The following SNX30 variants were observed in gnomAD, a reference collection of about 807,000 sequenced individuals.
SNX30 encodes sorting nexin-30.
Under a neutral mutation model 46.4 loss-of-function variants are expected in SNX30, and 24 were observed. That is an observed-to-expected ratio of 0.52 (90% confidence interval 0.37 to 0.73). The LOEUF (loss-of-function observed/expected upper bound fraction) is 0.73, where lower values mean the gene tolerates loss of function less well. SNX30 is among the 30% of genes least tolerant of loss of function. The probability of loss-of-function intolerance (pLI) is 0.00; values close to 1 mark genes in which losing one functional copy is unlikely to be tolerated. For synonymous variants in SNX30, 189 were observed against 211.5 expected (o/e 0.89, Z 0.92); for missense variants, 533 against 555.7 (o/e 0.96, Z 0.41).
chr9:112,775,909 C>T (rs2131370173), intron 1 of SNX30, among the ~76,000 whole-genome samples: 1 of 151,812 alleles, frequency 6.6e-6, no homozygotes, highest in South Asian at 2.1e-4. Context: ...CACTAGTTGC[C>T]TCAACACTCT....
intron 1 of SNX30, among the ~76,000 whole-genome samples, chr9:112,751,600 C>G (rs113463090): frequency 6.6e-6 from 1 of 152,304 alleles, no homozygotes; most frequent in African/African-American, 2.4e-5. Context: ...CAGCCCTGGG[C>G]TTACAGCGAG....
chr9:112,837,192 C>T (rs987119686), intron 5 of SNX30, among the ~76,000 whole-genome samples: 11 of 151,924 alleles, frequency 7.2e-5, no homozygotes, highest in Non-Finnish European at 8.8e-5. Flanking sequence ...ATTTTCTTTA[C>T]GGGGGAAAAA....
intron 3 of SNX30, among the ~76,000 whole-genome samples, chr9:112,829,646 ATTTAAC>A (rs1241757015): frequency 6.6e-6 from 1 of 152,180 alleles, no homozygotes; most frequent in African/African-American, 2.4e-5. Context: ...GTAATTCTAA[ATTTAAC>A]TTATTGAGGA....
At chr9:112,780,214 T>C (rs1482375715) in intron 1 of SNX30, among the ~76,000 whole-genome samples, 18 of 152,156 alleles carry the variant, frequency 1.2e-4, no homozygotes, top group Non-Finnish European at 1.9e-4. Context: ...CATGTATGTA[T>C]ATGAGCAGGC....
At chr9:112,782,505 A>G (rs1396276896) in intron 1 of SNX30, among the ~76,000 whole-genome samples, 1 of 152,104 alleles carries the variant, frequency 6.6e-6, no homozygotes, top group Non-Finnish European at 1.5e-5. Flanking sequence ...AAGTTTGCTG[A>G]CCCCTGGTAT....
Position 112,832,153 on chromosome 9 carries a change from A to G in SNX30, c.618+1270A>G, listed in dbSNP as rs573507860. ...CTTATTGATGACATTCCAGTTCAGCATCTCTTTTTCCCAGAGGCTTTCCCC... is the reference window on the plus strand; with the variant it reads ...CTTATTGATGACATTCCAGTTCAGCGTCTCTTTTTCCCAGAGGCTTTCCCC... On this transcript the variant is annotated intron_variant, in intron 4 of 8. Coordinates refer to ENST00000374232, the MANE Select transcript of SNX30 (RefSeq NM_001012994.2). 3.9e-5 allele frequency among the ~76,000 whole-genome samples: 6 copies of G among 152,066 alleles called. No homozygotes were observed. In the East Asian group the frequency reaches 1.2e-3, roughly 29 times the overall value.
At chr9:112,758,671 C>A (rs1253758036) in intron 1 of SNX30, among the ~76,000 whole-genome samples, 5 of 152,174 alleles carry the variant, frequency 3.3e-5, no homozygotes, top group African/African-American at 1.2e-4. Flanking sequence ...GCTGAGGTTA[C>A]AGTTGTGAGC....
intron 1 of SNX30, among the ~76,000 whole-genome samples, chr9:112,776,316 A>G (rs1407148844): frequency 6.6e-6 from 1 of 152,104 alleles, no homozygotes; most frequent in African/African-American, 2.4e-5. Context: ...TTGATGTTCT[A>G]TATGATGCAT....
At chr9:112,814,787 T>C (rs10081751) in intron 2 of SNX30, among the ~76,000 whole-genome samples, 33,770 of 152,204 alleles carry the variant, frequency 0.22, 4,718 homozygotes, top group East Asian at 0.4. Flanking sequence ...ATGTACACTT[T>C]TGTCCAGCAA....
chr9:112,867,557 A>C (rs764687865), intron 8 of SNX30, among the ~76,000 whole-genome samples: 1 of 141,802 alleles, frequency 7.1e-6, no homozygotes, highest in Non-Finnish European at 1.5e-5. Flanking sequence ...CTTCCTCCTC[A>C]GAACTCCTTT....
At chr9:112,877,613 A>G (rs1471303836), downstream of SNX30, 2 of 152,148 alleles carry the variant, frequency 1.3e-5, no homozygotes, top group Non-Finnish European at 2.9e-5. Flanking sequence ...TCTACCATCC[A>G]TCCATTAACC....
At chr9:112,826,714 C>T (rs957963312) in intron 3 of SNX30, among the ~76,000 whole-genome samples, 1 of 152,166 alleles carries the variant, frequency 6.6e-6, no homozygotes, top group African/African-American at 2.4e-5. Flanking sequence ...ATCTGATGCT[C>T]TTACACCTGG....
chr9:112,839,310 G>C (rs1035700422), intron 6 of SNX30, among the ~76,000 whole-genome samples: 1 of 152,200 alleles, frequency 6.6e-6, no homozygotes, highest in Non-Finnish European at 1.5e-5. Flanking sequence ...CCAGCAAAAG[G>C]ATTGAAAAGA....
intron 7 of SNX30, among the ~76,000 whole-genome samples, chr9:112,852,468 C>G (rs1331966867): frequency 6.6e-6 from 1 of 152,100 alleles, no homozygotes; most frequent in Non-Finnish European, 1.5e-5. Flanking sequence ...TTTGATATCT[C>G]AGAAGTCCTG....
chr9:112,759,686 G>A lies in SNX30; in HGVS notation c.156+8529G>A, dbSNP rs193099946. Among the ~76,000 whole-genome samples, 183 of 150,650 alleles carry A rather than the reference G, an allele frequency of 1.2e-3. 1 individual carries two copies. The highest frequency in any genetic ancestry group is 4.4e-3 in the African/African-American group (180 of 40,850). On this transcript the variant is annotated intron_variant, in intron 1 of 8. Transcript: ENST00000374232. ...GGAGGTTGCAGTGAGCTGAGATTGC[G>A]CCACTGCACTCTAGCCTGGCGACAG...
intron 2 of SNX30, among the ~76,000 whole-genome samples, chr9:112,815,188 C>G (rs1178470443): frequency 1.3e-5 from 2 of 149,054 alleles, no homozygotes; most frequent in African/African-American, 4.9e-5. Flanking sequence ...AAAAAAAAAG[C>G]CTGTTCCCCA....
Position 112,850,891 on chromosome 9 carries a change from A to C in SNX30, c.1047A>C (p.Ala349=). The C allele has an allele frequency of 6.2e-7, 1 of 1,614,000 alleles. No homozygotes were observed. Among genetic ancestry groups the C allele is most frequent in the Non-Finnish European group, 8.5e-7 (1 of 1,180,000 alleles). ...TGAAGAAGAGGGACCAAGTTCAAGC[A>C]GAGTATGAAGCCAAACTGGAAGCTG... ...SVLKKRDQVQ[A]EYEAKLEAVA... The change falls in exon 7 of 9, where the codon GCA becomes GCC. Residue 349 remains alanine (A), a synonymous_variant. Transcript: ENST00000374232.
At chr9:112,766,781 G>T (rs554951573) in intron 1 of SNX30, among the ~76,000 whole-genome samples, 8 of 152,182 alleles carry the variant, frequency 5.3e-5, no homozygotes, top group Non-Finnish European at 1.2e-4. Context: ...GCTGTAGCAT[G>T]TGACAGGATT....
At chr9:112,751,232 G>T in intron 1 of SNX30, 75 bp downstream of exon 1, 5 of 1,307,376 alleles carry the variant, frequency 3.8e-6, no homozygotes, top group Non-Finnish European at 4.9e-6. Context: ...CGGAGCCTTC[G>T]TGGGCCTGGG....
Sources: gnomAD v4.1 joint callset for allele counts (sites outside exome capture counted in the v4.1 genomes callset) on GRCh38, gnomAD v4.1.1 for gene constraint, MANE v1.5 for transcripts, NCBI Gene and HGNC (gene_info 2026-07-23, HGNC 2026-07-21) for gene names.